Variants in MTTP observed in about 807,000 individuals in gnomAD.
MTTP encodes the protein microsomal triglyceride transfer protein.
Under a neutral mutation model 90.6 loss-of-function variants are expected in MTTP, and 49 were observed. The ratio of observed to expected loss-of-function variants is 0.54; its 90% CI spans 0.43 to 0.69. The LOEUF (loss-of-function observed/expected upper bound fraction) is 0.69, where lower values mean the gene tolerates loss of function less well. Ranked by LOEUF, MTTP falls within the 30% of genes least tolerant of loss-of-function variation. The pLI, the probability that MTTP is intolerant of heterozygous loss-of-function variation, is 0.00. For synonymous variants in MTTP, 347 were observed against 384.2 expected, an observed-to-expected ratio of 0.90 and a Z score of 1.13; for missense variants, 945 against 1,067.5, an observed-to-expected ratio of 0.89 and a Z score of 1.60.
At chr4:99,616,602 C>G (rs1166589590) in intron 15 of MTTP, among the ~76,000 whole-genome samples, 1 of 152,104 alleles carries the variant, frequency 6.6e-6, no homozygotes, top group Non-Finnish European at 1.5e-5. Flanking sequence ...CCTGTTAGTT[C>G]TACTTACTTT....
At chr4:99,566,288 CAAAAAAAAGAAAA>C (rs1724695948) in intron 1 of MTTP, among the ~76,000 whole-genome samples, 1 of 80,448 alleles carries the variant, frequency 1.2e-5, no homozygotes, top group African/African-American at 5.0e-5. Flanking sequence ...TACTCCGTCT[CAAAAAAAAGAAAA>C]AAAAAAAAAA....
chr4:99,592,574 C>T (rs1408734144), intron 6 of MTTP, among the ~76,000 whole-genome samples: 2 of 146,244 alleles, frequency 1.4e-5, no homozygotes, highest in Non-Finnish European at 3.0e-5. Context: ...AAGACATAAG[C>T]ATATATATTA....
In MTTP at chr4:99,611,547, ATG is replaced by A. The variant is rs1725958016; in HGVS notation, c.1989+96_1989+97del. Reference sequence around the variant, plus strand: ...TATATGCTGTGGGTAATGCTATAGAATGTATAAGTTAATGGTGGCTTCTGTCA... The same window carrying A: ...TATATGCTGTGGGTAATGCTATAGAATATAAGTTAATGGTGGCTTCTGTCA... On this transcript the variant is annotated intron_variant, in intron 14 of 17. Coordinates refer to ENST00000265517, the MANE Select transcript of MTTP (RefSeq NM_001386140.1). 4 of 1,498,022 alleles carry A rather than the reference ATG, an allele frequency of 2.7e-6. No individual in the cohort carries two copies. The South Asian group carries it at 3.4e-5, about 13-fold the overall frequency. The allele number at this position is 1,498,022 out of a possible 1,614,324, so 92.8% of individuals were successfully genotyped here. A position where few individuals can be genotyped will look rare whatever the true frequency, so the allele number is the denominator to read the frequency against.
At chr4:99,600,433 T>TC in intron 8 of MTTP, 132 bp from the exon 9 acceptor site, 1 of 929,082 alleles carries the variant, frequency 1.1e-6, no homozygotes, top group Non-Finnish European at 1.7e-6. Context: ...AATCATTTTT[T>TC]CATTTGTTCA....
chr4:99,615,724 A>G (rs1726082372), intron 15 of MTTP, among the ~76,000 whole-genome samples: 1 of 152,222 alleles, frequency 6.6e-6, no homozygotes, highest in African/African-American at 2.4e-5. Flanking sequence ...AGCTAATTGG[A>G]TTACTCTTCA....
intron 8 of MTTP, 135 bp downstream of exon 8, chr4:99,597,359 A>G (rs1224643240): frequency 9.8e-7 from 1 of 1,015,864 alleles, no homozygotes; most frequent in Non-Finnish European, 1.5e-6. Context: ...CTACATTTTC[A>G]TCGAAAAGTT....
At chr4:99,618,046 AC>A (rs5860588) in intron 15 of MTTP, among the ~76,000 whole-genome samples, 25,578 of 152,032 alleles carry the variant, frequency 0.17, 2,578 homozygotes, top group African/African-American at 0.28. Flanking sequence ...TGGAAAAAAA[AC>A]ACCAAACAAT....
intron 15 of MTTP, 90 bp downstream of exon 15, chr4:99,613,230 A>T: frequency 1.7e-6 from 2 of 1,188,884 alleles, no homozygotes; most frequent in Non-Finnish European, 2.4e-6. Flanking sequence ...GATACAAGAC[A>T]AAATTGTGCC....
chr4:99,583,232 G>T, intron 2 of MTTP, 142 bp from the exon 3 acceptor site: 1 of 947,096 alleles, frequency 1.1e-6, no homozygotes, highest in Non-Finnish European at 1.6e-6. Context: ...GAGTGGCAAG[G>T]TCCTATAAAT....
At chr4:99,615,206 C>T (rs7668586) in intron 15 of MTTP, among the ~76,000 whole-genome samples, 15,910 of 152,204 alleles carry the variant, frequency 0.1, 1,005 homozygotes, top group Middle Eastern at 0.2. Flanking sequence ...AAATATTTTA[C>T]GCTTTGCAGG....
In MTTP at chr4:99,600,526, C is replaced by T. The variant is rs769132245; in HGVS notation, c.1068-39C>T. 1.9e-6 allele frequency: 3 copies of T among 1,592,710 alleles called. No individual in the cohort carries two copies. The South Asian group carries it at 3.3e-5, about 18-fold the overall frequency. On this transcript the variant is annotated intron_variant, in intron 8 of 17. Coordinates refer to ENST00000265517, the MANE Select transcript of MTTP (RefSeq NM_001386140.1). ...GTAGAGATTTTTAAGTATTCCTTCC[C>T]CTAAACATTGATATCCATGATTATG... is the stretch of plus-strand genomic sequence containing the variant.
upstream of MTTP, chr4:99,570,747 A>G (rs959923450): frequency 1.8e-5 from 8 of 455,754 alleles, no homozygotes; most frequent in Middle Eastern, 3.2e-4. Context: ...AGAGGGAGAC[A>G]GAAGAGATGG....
intron 15 of MTTP, among the ~76,000 whole-genome samples, chr4:99,616,694 G>A (rs1726106711): frequency 6.6e-6 from 1 of 152,012 alleles, no homozygotes; most frequent in African/African-American, 2.4e-5. Flanking sequence ...GGAGTCAGTG[G>A]TTTATCTTTA....
intron 15 of MTTP, 27 bp from the exon 16 acceptor site, chr4:99,618,947 A>G: frequency 6.2e-7 from 1 of 1,607,208 alleles, no homozygotes; most frequent in Non-Finnish European, 8.5e-7. Context: ...TTATTTTTAT[A>G]ACTATTATTA....
intron 10 of MTTP, among the ~76,000 whole-genome samples, chr4:99,604,361 TTA>T (rs1398739258): frequency 6.6e-6 from 1 of 152,124 alleles, no homozygotes; most frequent in Non-Finnish European, 1.5e-5. Flanking sequence ...TGTTTCTTTT[TTA>T]TGTTTGTCTT....
At chr4:99,579,738 G>A (rs1383372618) in intron 1 of MTTP, among the ~76,000 whole-genome samples, 3 of 151,964 alleles carry the variant, frequency 2.0e-5, no homozygotes, top group African/African-American at 7.3e-5. Flanking sequence ...TTTACAAAAG[G>A]TAGAAACTTT....
At chr4:99,609,019 T>C (rs1725889661) in intron 12 of MTTP, 42 bp downstream of exon 12, 32 of 1,545,606 alleles carry the variant, frequency 2.1e-5, no homozygotes, top group Non-Finnish European at 2.8e-5. Flanking sequence ...TTCAAGCTTA[T>C]TTGTGTGTTC....
chr4:99,613,288 C>T, intron 15 of MTTP, 148 bp downstream of exon 15: 1 of 699,986 alleles, frequency 1.4e-6, no homozygotes, highest in South Asian at 1.6e-5. Context: ...GGTATTGGTC[C>T]CCTTTCTCCT....
intron 1 of MTTP, among the ~76,000 whole-genome samples, chr4:99,565,369 T>G (rs1724653380): frequency 6.6e-6 from 1 of 151,770 alleles, no homozygotes; most frequent in Non-Finnish European, 1.5e-5. Context: ...CATTTAACTT[T>G]GTAGTCATTT....
Sources: allele counts gnomAD v4.1 joint callset (sites outside exome capture counted in the v4.1 genomes callset), GRCh38; gene constraint gnomAD v4.1.1; transcripts MANE v1.5; gene names NCBI Gene and HGNC (gene_info 2026-07-23, HGNC 2026-07-21).